RETREG1: variants seen among roughly 807,000 people sequenced by gnomAD.
The protein encoded by RETREG1 is reticulophagy regulator 1.
A neutral mutation model predicts 54.8 loss-of-function variants in RETREG1; 44 were observed. The ratio of observed to expected loss-of-function variants is 0.80; its 90% CI spans 0.63 to 1.03. RETREG1 has a LOEUF of 1.03. Ranked by LOEUF, RETREG1 falls within the 50% of genes least tolerant of loss-of-function variation. RETREG1 has a pLI of 0.00. For missense variants in RETREG1, 554 were observed against 605.1 expected, an observed-to-expected ratio of 0.92 and a Z score of 0.89; for synonymous variants, 217 against 238.5, an observed-to-expected ratio of 0.91 and a Z score of 0.83.
At chr5:16,491,463 C>T (rs74429754) in intron 3 of RETREG1, among the ~76,000 whole-genome samples, 2,808 of 152,246 alleles carry the variant, frequency 0.018, 31 homozygotes, top group Non-Finnish European at 0.031. Context: ...TGAATATAAA[C>T]AGTAAACATC....
chr5:16,480,170 C>T (rs1187712315), intron 5 of RETREG1, among the ~76,000 whole-genome samples: 1 of 151,984 alleles, frequency 6.6e-6, no homozygotes, highest in Non-Finnish European at 1.5e-5. Flanking sequence ...CACCTCATCC[C>T]CAGGCAACCA....
At chr5:16,579,380 C>G (rs1199238521) in intron 1 of RETREG1, among the ~76,000 whole-genome samples, 2 of 152,214 alleles carry the variant, frequency 1.3e-5, no homozygotes, top group Admixed American at 6.5e-5. Flanking sequence ...TCTTGCCATT[C>G]TGCTAAACGG....
chr5:16,528,064 C>G (rs923834996), intron 3 of RETREG1, among the ~76,000 whole-genome samples: 3 of 152,000 alleles, frequency 2.0e-5, no homozygotes, highest in African/African-American at 7.2e-5. Context: ...CTGCCTCGGC[C>G]TCCCAAAATG....
chr5:16,500,373 C>T (rs1561090853), intron 3 of RETREG1, among the ~76,000 whole-genome samples: 1 of 151,890 alleles, frequency 6.6e-6, no homozygotes, highest in Non-Finnish European at 1.5e-5. Flanking sequence ...TGTGGCGGTA[C>T]AAGGAGAGCA....
chr5:16,534,096 C>CAAA lies in RETREG1; in HGVS notation c.458+31664_458+31666dup, dbSNP rs1000768787. On this transcript the variant is annotated intron_variant, in intron 3 of 8. Coordinates refer to ENST00000306320, the MANE Select transcript of RETREG1 (RefSeq NM_001034850.3). The stretch of plus-strand genomic sequence containing the variant: ...AAGTCCCTCGAGAGGTCTGAGAAAC[C>CAAA]AAAAAAAAAAAACACATTTTCCCTA... 5.3e-3 allele frequency among the ~76,000 whole-genome samples: 694 copies of CAAA among 130,148 alleles called. 5 individuals carry two copies. Among genetic ancestry groups the CAAA allele is most frequent in the African/African-American group, 0.018 (641 of 36,078 alleles). The allele number at this position is 130,148 out of a possible 152,430, so 85.4% of individuals were successfully genotyped here.
intron 3 of RETREG1, among the ~76,000 whole-genome samples, chr5:16,495,698 G>T (rs1739424447): frequency 6.6e-6 from 1 of 152,176 alleles, no homozygotes; most frequent in African/African-American, 2.4e-5. Context: ...CTACTCGGGA[G>T]GCTGAGGCAG....
intron 3 of RETREG1, among the ~76,000 whole-genome samples, chr5:16,486,508 A>G (rs976853654): frequency 2.0e-5 from 3 of 152,244 alleles, no homozygotes; most frequent in African/African-American, 4.8e-5. Context: ...GAGACGGGAC[A>G]TTTGATGTCA....
intron 3 of RETREG1, among the ~76,000 whole-genome samples, chr5:16,497,966 C>T (rs1739537096): frequency 1.3e-5 from 2 of 152,154 alleles, no homozygotes; most frequent in Admixed American, 6.6e-5. Context: ...GTTTGTTGTA[C>T]CTTAGTTTAT....
At chr5:16,582,203 A>G (rs1050946622) in intron 1 of RETREG1, among the ~76,000 whole-genome samples, 7 of 152,228 alleles carry the variant, frequency 4.6e-5, no homozygotes, top group African/African-American at 1.7e-4. Flanking sequence ...TTGGAAAGGT[A>G]CAGTTCTCTA....
chr5:16,539,133 C>G (rs541563819), intron 3 of RETREG1, among the ~76,000 whole-genome samples: 1 of 152,310 alleles, frequency 6.6e-6, no homozygotes, highest in East Asian at 1.9e-4. Flanking sequence ...GCCTTGAGAC[C>G]ATTTCCCTGT....
chr5:16,544,565 C>A (rs1348834507), intron 3 of RETREG1, among the ~76,000 whole-genome samples: 1 of 152,144 alleles, frequency 6.6e-6, no homozygotes, highest in Non-Finnish European at 1.5e-5. Context: ...TACATTTAGG[C>A]CCATGTTCCC....
At chr5:16,481,188 G>T (rs1458384067) in intron 4 of RETREG1, 95 bp from the exon 5 acceptor site, 1 of 939,402 alleles carries the variant, frequency 1.1e-6, no homozygotes, top group East Asian at 2.5e-5. Context: ...TATAGTGACC[G>T]GTATAAGTGA....
chr5:16,541,728 A>AGAGGGAGG (rs1426745614), intron 3 of RETREG1, among the ~76,000 whole-genome samples: 1 of 108,374 alleles, frequency 9.2e-6, no homozygotes, highest in African/African-American at 3.3e-5. Flanking sequence ...AGAAGAGAAG[A>AGAGGGAGG]GAGGGAGGGA....
chr5:16,510,818 CAAAA>C (rs57713373), intron 3 of RETREG1, among the ~76,000 whole-genome samples: 3 of 75,708 alleles, frequency 4.0e-5, no homozygotes, highest in African/African-American at 1.1e-4. Context: ...ACAACAACAA[CAAAA>C]AAAAAAAAAA....
intron 3 of RETREG1, among the ~76,000 whole-genome samples, chr5:16,485,800 T>C (rs1380635474): frequency 2.0e-5 from 3 of 152,224 alleles, no homozygotes; most frequent in Admixed American, 6.5e-5. Flanking sequence ...ATCTATCCAC[T>C]AATTTATTCA....
chr5:16,523,629 T>C (rs971535589), intron 3 of RETREG1, among the ~76,000 whole-genome samples: 2 of 152,080 alleles, frequency 1.3e-5, no homozygotes, highest in Non-Finnish European at 2.9e-5. Flanking sequence ...CTTTCCATCC[T>C]CTATTCTTTG....
chr5:16,568,256 A>G (rs568691773), intron 2 of RETREG1, among the ~76,000 whole-genome samples: 123 of 146,236 alleles, frequency 8.4e-4, no homozygotes, highest in African/African-American at 3.1e-3. Context: ...ACATTCACTC[A>G]CAAGATGATA....
At chr5:16,494,029 C>T (rs1389395726) in intron 3 of RETREG1, among the ~76,000 whole-genome samples, 6 of 152,164 alleles carry the variant, frequency 3.9e-5, no homozygotes, top group Non-Finnish European at 8.8e-5. Context: ...TTAATTAGGT[C>T]ATATTCCCAA....
At chr5:16,476,633 G>A (rs752209812) in intron 8 of RETREG1, among the ~76,000 whole-genome samples, 2 of 151,970 alleles carry the variant, frequency 1.3e-5, no homozygotes, top group East Asian at 1.9e-4. Context: ...CATTATCCTC[G>A]GCAAACTAAC....
Sources: gnomAD v4.1 joint callset for allele counts (sites outside exome capture counted in the v4.1 genomes callset) on GRCh38, gnomAD v4.1.1 for gene constraint, MANE v1.5 for transcripts, NCBI Gene and HGNC (gene_info 2026-07-23, HGNC 2026-07-21) for gene names.